Variants in SLC24A2 observed in about 807,000 individuals in gnomAD.
SLC24A2 encodes sodium/potassium/calcium exchanger 2.
SLC24A2 carries 36 observed loss-of-function variants against 62.0 expected under a neutral mutation model. The observed-to-expected ratio is 0.58, with a 90% CI of 0.44 to 0.77. The LOEUF is 0.77. Among genes scored for constraint, SLC24A2 ranks in the 30% least tolerant of loss-of-function variants. SLC24A2 has a pLI of 0.00. For synonymous variants in SLC24A2, 358 were observed against 294.0 expected, an observed-to-expected ratio of 1.22 and a Z score of -2.23; for missense variants, 846 against 817.9, an observed-to-expected ratio of 1.03 and a Z score of -0.42.
the SLC24A2 span, among the ~76,000 whole-genome samples, chr9:19,849,836 A>G: frequency 6.6e-6 from 1 of 152,206 alleles, no homozygotes; most frequent in Non-Finnish European, 1.5e-5. Context: ...TCAACAATCA[A>G]GGATATTTAA....
intron 2 of SLC24A2, among the ~76,000 whole-genome samples, chr9:19,773,117 T>G (rs1203157424): frequency 6.6e-6 from 1 of 152,148 alleles, no homozygotes; most frequent in East Asian, 1.9e-4. Flanking sequence ...TAGGCAAATC[T>G]ATACTGACAA....
the SLC24A2 span, among the ~76,000 whole-genome samples, chr9:20,192,926 A>G: frequency 1.3e-5 from 2 of 152,310 alleles, no homozygotes; most frequent in East Asian, 3.9e-4. Context: ...TCAAAGCCTC[A>G]GGGTCTAAAT....
chr9:19,748,793 G>A (rs942097257), intron 2 of SLC24A2, among the ~76,000 whole-genome samples: 1 of 151,938 alleles, frequency 6.6e-6, no homozygotes, highest in Admixed American at 6.6e-5. Flanking sequence ...TCCTAGAAAC[G>A]GAAGGAAGGA....
intron 2 of SLC24A2, among the ~76,000 whole-genome samples, chr9:19,644,568 T>C (rs1189972843): frequency 2.6e-5 from 4 of 152,204 alleles, no homozygotes; most frequent in Admixed American, 2.6e-4. Flanking sequence ...GCAGTCTAGA[T>C]TCAAGGTCTG....
chr9:20,126,038 C>A, the SLC24A2 span, among the ~76,000 whole-genome samples: 2 of 152,174 alleles, frequency 1.3e-5, no homozygotes, highest in Non-Finnish European at 2.9e-5. Context: ...AAACCAGGCA[C>A]TGTGAGTGCT....
the SLC24A2 span, among the ~76,000 whole-genome samples, chr9:19,915,456 A>G: frequency 6.6e-6 from 1 of 152,126 alleles, no homozygotes; most frequent in Non-Finnish European, 1.5e-5. Flanking sequence ...ACCTAGGTAT[A>G]GAATTGTAGG....
intron 2 of SLC24A2, among the ~76,000 whole-genome samples, chr9:19,766,979 G>C (rs1383093801): frequency 1.3e-5 from 2 of 152,176 alleles, no homozygotes; most frequent in Non-Finnish European, 2.9e-5. Context: ...CTTTCTTTCA[G>C]TGATGCCCTG....
the SLC24A2 span, among the ~76,000 whole-genome samples, chr9:19,916,106 A>C: frequency 6.6e-6 from 1 of 152,088 alleles, no homozygotes; most frequent in African/African-American, 2.4e-5. Flanking sequence ...GTAGAGGTCC[A>C]AATCACTCTT....
chr9:19,891,755 C>A, the SLC24A2 span, among the ~76,000 whole-genome samples: 3 of 151,950 alleles, frequency 2.0e-5, no homozygotes, highest in African/African-American at 4.8e-5. Flanking sequence ...CTAAAAAAAC[C>A]AATACAAATT....
At chr9:19,525,765 GTTT>G (rs71496823) in intron 9 of SLC24A2, among the ~76,000 whole-genome samples, 1,923 of 99,174 alleles carry the variant, frequency 0.019, 40 homozygotes, top group African/African-American at 0.07. Context: ...ACATGCTACT[GTTT>G]TTTTTTTTTT....
At chr9:19,533,418 C>G (rs528898604) in intron 8 of SLC24A2, among the ~76,000 whole-genome samples, 1 of 152,206 alleles carries the variant, frequency 6.6e-6, no homozygotes, top group Non-Finnish European at 1.5e-5. Flanking sequence ...GAGGTGAGGT[C>G]TATTTTTCCA....
At chr9:19,524,333 TTAAC>T (rs1833335923) in intron 9 of SLC24A2, among the ~76,000 whole-genome samples, 1 of 151,216 alleles carries the variant, frequency 6.6e-6, no homozygotes, top group South Asian at 2.1e-4. Context: ...AGGATTGACT[TTAAC>T]TACAGGTTGT....
chr9:19,715,802 T>C (rs980426107), intron 2 of SLC24A2, among the ~76,000 whole-genome samples: 12 of 152,242 alleles, frequency 7.9e-5, no homozygotes, highest in African/African-American at 2.9e-4. Context: ...CCAGGCAAAG[T>C]ACCTAGCAGA....
the SLC24A2 span, among the ~76,000 whole-genome samples, chr9:19,883,222 C>T: frequency 1.1e-4 from 17 of 152,182 alleles, no homozygotes; most frequent in African/African-American, 2.9e-4. Context: ...TTAGATATTG[C>T]GATGTGCCAA....
At chr9:19,541,800 C>A (rs1445765006) in intron 8 of SLC24A2, among the ~76,000 whole-genome samples, 1 of 148,974 alleles carries the variant, frequency 6.7e-6, no homozygotes. Flanking sequence ...CGCCCCTCCC[C>A]CAGCCTCGTT....
chr9:20,226,603 G>A, the SLC24A2 span, among the ~76,000 whole-genome samples: 1 of 152,078 alleles, frequency 6.6e-6, no homozygotes, highest in Non-Finnish European at 1.5e-5. Flanking sequence ...TCCCTTGGGT[G>A]TATGTGTGCA....
chr9:19,548,380 A>G (rs994240931), intron 8 of SLC24A2, among the ~76,000 whole-genome samples: 2 of 152,188 alleles, frequency 1.3e-5, no homozygotes, highest in Admixed American at 1.3e-4. Context: ...CTAGGAAATG[A>G]CCAGGTATAA....
the SLC24A2 span, among the ~76,000 whole-genome samples, chr9:20,066,412 T>C: frequency 6.6e-6 from 1 of 152,090 alleles, no homozygotes; most frequent in Non-Finnish European, 1.5e-5. Flanking sequence ...AAGGAAAGAA[T>C]TAGAAAGGGG....
intron 9 of SLC24A2, among the ~76,000 whole-genome samples, chr9:19,523,392 T>G (rs190684501): frequency 6.6e-6 from 1 of 152,186 alleles, no homozygotes; most frequent in Non-Finnish European, 1.5e-5. Flanking sequence ...TGACTATATG[T>G]GAGATGCAAA....
Sources: gnomAD v4.1 joint callset for allele counts (sites outside exome capture counted in the v4.1 genomes callset) on GRCh38, gnomAD v4.1.1 for gene constraint, MANE v1.5 for transcripts, NCBI Gene and HGNC (gene_info 2026-07-23, HGNC 2026-07-21) for gene names.